Variants in MAP2 observed in about 807,000 individuals in gnomAD.
MAP2 encodes the protein microtubule associated protein 2, also known as microtubule-associated protein 2.
Under a neutral mutation model 137.6 loss-of-function variants are expected in MAP2, and 14 were observed. The observed-to-expected ratio is 0.10, with a 90% CI of 0.07 to 0.16. The LOEUF (loss-of-function observed/expected upper bound fraction) is 0.16. MAP2 is among the 10% of genes least tolerant of loss of function. MAP2 has a pLI of 1.00. For missense variants in MAP2, 2,088 were observed against 2,191.5 expected (o/e 0.95, Z 0.94); for synonymous variants, 786 against 782.3 (o/e 1.00, Z -0.08).
At chr2:209,427,463 C>A (rs1274428298) in intron 1 of MAP2, among the ~76,000 whole-genome samples, 3 of 152,056 alleles carry the variant, frequency 2.0e-5, no homozygotes, top group African/African-American at 7.2e-5. Flanking sequence ...TTTACTATTG[C>A]CATTACCTTT....
chr2:209,704,556 T>C, intron 11 of MAP2: 1 of 1,612,732 alleles, frequency 6.2e-7, no homozygotes, highest in South Asian at 1.1e-5. Flanking sequence ...TCTGACAGTT[T>C]ATTAATACAG....
intron 5 of MAP2, among the ~76,000 whole-genome samples, chr2:209,668,898 G>A (rs2047511652): frequency 6.6e-6 from 1 of 151,938 alleles, no homozygotes; most frequent in Non-Finnish European, 1.5e-5. Context: ...AGTTCATAGT[G>A]TAATTGATTT....
At chr2:209,679,731 T>C (rs544389389) in intron 6 of MAP2, among the ~76,000 whole-genome samples, 2 of 152,232 alleles carry the variant, frequency 1.3e-5, no homozygotes, top group South Asian at 4.1e-4. Flanking sequence ...TATTTTTCTC[T>C]TAAAACACAT....
At position 209,473,213 on chromosome 2, in the gene MAP2, A is replaced by T. The variant is rs112928364; in HGVS notation, c.-221-34379A>T. Among the ~76,000 whole-genome samples the T allele has an allele frequency of 6.1e-3, 925 of 152,214 alleles. 7 individuals are homozygous for T. The highest frequency in any genetic ancestry group is 0.021 in the African/African-American group (870 of 41,530). On this transcript the variant is annotated intron_variant, in intron 1 of 15. Coordinates refer to ENST00000682079, the MANE Select transcript of MAP2 (RefSeq NM_001375505.1). ...CTGGAACCAAGTTTGTTCATCCATA[A>T]ATCCCACGTTTTACAGTGATTGTCA... is the stretch of plus-strand genomic sequence containing the variant.
At chr2:209,675,233 G>A (rs1275725910) in intron 5 of MAP2, among the ~76,000 whole-genome samples, 3 of 151,218 alleles carry the variant, frequency 2.0e-5, no homozygotes, top group Non-Finnish European at 4.4e-5. Context: ...ATTCTCCCTT[G>A]GATTATTTTT....
At chr2:209,638,927 C>T (rs1581656642) in intron 4 of MAP2, among the ~76,000 whole-genome samples, 1 of 152,000 alleles carries the variant, frequency 6.6e-6, no homozygotes, top group South Asian at 2.1e-4. Context: ...ATAAATTAAT[C>T]GATGGATTGA....
intron 1 of MAP2, among the ~76,000 whole-genome samples, chr2:209,460,911 G>A (rs1012187791): frequency 3.3e-5 from 5 of 151,910 alleles, no homozygotes; most frequent in African/African-American, 1.2e-4. Context: ...ACCACACCCA[G>A]CTAATTTTTG....
At chr2:209,684,268 T>C (rs941795376) in intron 7 of MAP2, among the ~76,000 whole-genome samples, 1 of 152,118 alleles carries the variant, frequency 6.6e-6, no homozygotes, top group Non-Finnish European at 1.5e-5. Flanking sequence ...AATTCTAGGG[T>C]GGTGTTTTCC....
At chr2:209,720,673 T>C (rs992782457) in intron 13 of MAP2, among the ~76,000 whole-genome samples, 1 of 150,942 alleles carries the variant, frequency 6.6e-6, no homozygotes, top group Non-Finnish European at 1.5e-5. Context: ...TTGAAATAAA[T>C]TGGCAGAGAT....
At chr2:209,728,351 A>C (rs1419710592) in intron 14 of MAP2, among the ~76,000 whole-genome samples, 1 of 152,186 alleles carries the variant, frequency 6.6e-6, no homozygotes, top group Admixed American at 6.5e-5. Flanking sequence ...ATCTCATCAC[A>C]ATCAATAAGT....
In MAP2 at chr2:209,731,607, T is replaced by G. The variant is rs867231171; in HGVS notation, c.*1210T>G. Reference sequence around the variant, plus strand: ...CCTATTATTATTCATGAAACCGACTTAAGATTTTTTCTTTATTTTTCTTTT... The same window carrying G: ...CCTATTATTATTCATGAAACCGACTGAAGATTTTTTCTTTATTTTTCTTTT... On this transcript the variant is annotated 3_prime_UTR_variant, in exon 16 of 16. Transcript: ENST00000682079. 1.3e-5 allele frequency: 2 copies of G among 152,470 alleles called. No individual in the cohort carries two copies. The highest frequency in any genetic ancestry group is 2.9e-5 in the Non-Finnish European group (2 of 68,036). 9.4% of individuals were successfully genotyped at this position (152,470 alleles called of 1,614,324 possible). A position where few individuals can be genotyped will look rare whatever the true frequency, so the allele number is the denominator to read the frequency against.
intron 3 of MAP2, among the ~76,000 whole-genome samples, chr2:209,594,134 G>T (rs2080553077): frequency 1.2e-5 from 1 of 81,450 alleles, no homozygotes; most frequent in African/African-American, 4.4e-5. Flanking sequence ...GGTAACAGAT[G>T]AAAAAAAAAA....
At chr2:209,512,940 C>T (rs975967463) in intron 2 of MAP2, among the ~76,000 whole-genome samples, 21 of 152,252 alleles carry the variant, frequency 1.4e-4, no homozygotes, top group Admixed American at 7.2e-4. Context: ...AGACACTGCA[C>T]GCAGTCCAAT....
intron 5 of MAP2, among the ~76,000 whole-genome samples, chr2:209,664,170 A>G (rs1280935541): frequency 1.3e-5 from 2 of 152,238 alleles, no homozygotes; most frequent in Non-Finnish European, 2.9e-5. Context: ...CCTGTGCTTC[A>G]TTCATCTTTC....
chr2:209,435,135 C>A (rs992505072), intron 1 of MAP2, among the ~76,000 whole-genome samples: 2 of 150,918 alleles, frequency 1.3e-5, no homozygotes, highest in Non-Finnish European at 3.0e-5. Flanking sequence ...TAATTAATTT[C>A]TTCTATATAG....
At position 209,479,038 on chromosome 2, in the gene MAP2, A is replaced by G. The variant is rs1708085908; in HGVS notation, c.-221-28554A>G. 2.0e-5 allele frequency among the ~76,000 whole-genome samples: 3 copies of G among 152,224 alleles called. No homozygotes were observed. The South Asian group carries it at 6.2e-4, about 31-fold the overall frequency. On this transcript the variant is annotated intron_variant, in intron 1 of 15. Coordinates refer to ENST00000682079, the MANE Select transcript of MAP2 (RefSeq NM_001375505.1). ...AATTAAGAAACTGTTTTAAACAATG[A>G]ATAAAGTAAATATTCATTTCTAATG...
In MAP2 at chr2:209,653,337, G is replaced by A. The variant is rs1228108826; in HGVS notation, c.167G>A (p.Gly56Asp). The A allele has an allele frequency of 6.2e-7, 1 of 1,614,028 alleles. No homozygotes were observed. The highest frequency in any genetic ancestry group is 8.5e-7 in the Non-Finnish European group (1 of 1,180,026). Residue 56 changes from glycine (G) to aspartate (D), a missense_variant, in exon 5 of 16, where the codon GGT becomes GAT. By Grantham distance (94) the Gly-to-Asp change is moderately conservative. Coordinates refer to ENST00000682079, the MANE Select transcript of MAP2 (RefSeq NM_001375505.1). Reference sequence around the variant, plus strand: ...TTCCCATACAGGGAGGATGAAGAGGGTGCCTTTGGAGAGCATGGGTCACAG... The same window carrying A: ...TTCCCATACAGGGAGGATGAAGAGGATGCCTTTGGAGAGCATGGGTCACAG... ...NGFPYREDEE[G>D]AFGEHGSQGT...
At chr2:209,725,053 T>C (rs1414012222) in intron 13 of MAP2, among the ~76,000 whole-genome samples, 1 of 152,220 alleles carries the variant, frequency 6.6e-6, no homozygotes, top group African/African-American at 2.4e-5. Flanking sequence ...CCTCATGATA[T>C]CTGATTCAGT....
intron 4 of MAP2, among the ~76,000 whole-genome samples, chr2:209,629,253 T>A (rs1235841919): frequency 1.3e-5 from 2 of 152,230 alleles, no homozygotes; most frequent in African/African-American, 2.4e-5. Context: ...TTTTACTTTA[T>A]CTTCAGAATA....
Sources: gnomAD v4.1 joint callset for allele counts (sites outside exome capture counted in the v4.1 genomes callset) on GRCh38, gnomAD v4.1.1 for gene constraint, MANE v1.5 for transcripts, NCBI Gene and HGNC (gene_info 2026-07-23, HGNC 2026-07-21) for gene names.